Variants in NELL2 observed in about 807,000 individuals in gnomAD.
NELL2 encodes the protein neural EGFL like 2.
In NELL2, 41 loss-of-function variants were observed where a neutral mutation model predicts 109.6. That is an observed-to-expected ratio of 0.37 (90% CI 0.29 to 0.49). The LOEUF (loss-of-function observed/expected upper bound fraction) is 0.49. NELL2 is among the 20% of genes least tolerant of loss of function. The pLI is 0.98. For synonymous variants in NELL2, 355 were observed against 344.7 expected, an observed-to-expected ratio of 1.03 and a Z score of -0.33; for missense variants, 900 against 1,008.3, an observed-to-expected ratio of 0.89 and a Z score of 1.45.
At chr12:44,907,816 T>C (rs1364645207) in intron 1 of NELL2, among the ~76,000 whole-genome samples, 1 of 152,032 alleles carries the variant, frequency 6.6e-6, no homozygotes, top group East Asian at 1.9e-4. Context: ...GGAAAATCAT[T>C]GTAATGATGT....
chr12:44,590,363 G>A (rs911910715), intron 15 of NELL2, among the ~76,000 whole-genome samples: 6 of 152,098 alleles, frequency 3.9e-5, no homozygotes, highest in Admixed American at 3.9e-4. Context: ...ATTGCATTTT[G>A]AAGTCCCTGT....
At chr12:44,818,592 G>A (rs1250719309) in intron 2 of NELL2, among the ~76,000 whole-genome samples, 2 of 152,134 alleles carry the variant, frequency 1.3e-5, no homozygotes, top group Non-Finnish European at 2.9e-5. Flanking sequence ...GAGATAAGAT[G>A]CTCAAAGAAG....
chr12:44,637,173 AT>A (rs1373855291), intron 13 of NELL2, among the ~76,000 whole-genome samples: 1 of 151,214 alleles, frequency 6.6e-6, no homozygotes, highest in Non-Finnish European at 1.5e-5. Flanking sequence ...CTAGTGGTCT[AT>A]TTTGTTGATC....
At chr12:44,763,128 A>G (rs988679306) in intron 9 of NELL2, among the ~76,000 whole-genome samples, 1 of 152,164 alleles carries the variant, frequency 6.6e-6, no homozygotes, top group African/African-American at 2.4e-5. Flanking sequence ...TGTGGTCTGA[A>G]GAGACATTAA....
intron 9 of NELL2, among the ~76,000 whole-genome samples, chr12:44,751,676 A>G (rs980642645): frequency 5.3e-5 from 8 of 152,048 alleles, no homozygotes; most frequent in African/African-American, 1.7e-4. Context: ...TCTGAAACTT[A>G]TATATGTTGT....
chr12:44,558,899 G>A (rs1319426629), intron 15 of NELL2, among the ~76,000 whole-genome samples: 1 of 152,144 alleles, frequency 6.6e-6, no homozygotes, highest in African/African-American at 2.4e-5. Context: ...CACTCCCATG[G>A]AGCCCAGCAA....
At chr12:44,567,327 G>A (rs1943700242) in intron 15 of NELL2, among the ~76,000 whole-genome samples, 2 of 152,104 alleles carry the variant, frequency 1.3e-5, no homozygotes, top group Admixed American at 1.3e-4. Context: ...CAATGCTAAT[G>A]GAATTCTCCT....
chr12:44,741,509 G>C (rs1043064847), intron 9 of NELL2, among the ~76,000 whole-genome samples: 1 of 152,198 alleles, frequency 6.6e-6, no homozygotes, highest in African/African-American at 2.4e-5. Context: ...GCGAGGCATC[G>C]CCTCACCCGG....
intron 13 of NELL2, among the ~76,000 whole-genome samples, chr12:44,642,222 C>T (rs963838102): frequency 6.6e-6 from 1 of 152,040 alleles, no homozygotes; most frequent in African/African-American, 2.4e-5. Flanking sequence ...TGATTCTTAA[C>T]CTGATAAGCA....
At chr12:44,681,722 C>T (rs1948514297) in intron 12 of NELL2, among the ~76,000 whole-genome samples, 1 of 152,112 alleles carries the variant, frequency 6.6e-6, no homozygotes, top group Non-Finnish European at 1.5e-5. Flanking sequence ...CCAATTTCAT[C>T]CATGTCCCTA....
intron 13 of NELL2, among the ~76,000 whole-genome samples, chr12:44,614,429 ATAGT>A (rs1199625054): frequency 7.2e-5 from 11 of 152,218 alleles, no homozygotes; most frequent in African/African-American, 1.4e-4. Context: ...TTGTATAGTG[ATAGT>A]TAGAAAATAT....
chr12:44,806,318 C>A (rs1180402708), intron 3 of NELL2, among the ~76,000 whole-genome samples: 3 of 151,758 alleles, frequency 2.0e-5, no homozygotes, highest in Admixed American at 2.0e-4. Context: ...TTCTCACCTT[C>A]TGAATGGGCA....
At chr12:44,513,229 C>G (rs1012277394) in intron 19 of NELL2, among the ~76,000 whole-genome samples, 1 of 151,866 alleles carries the variant, frequency 6.6e-6, no homozygotes, top group Non-Finnish European at 1.5e-5. Flanking sequence ...AAACAGACCC[C>G]CCCTAACTGG....
chr12:44,876,081 T>G lies in NELL2; in HGVS notation c.-212A>C, dbSNP rs1945310920. 10 of 1,390,742 alleles carry G rather than the reference T, an allele frequency of 7.2e-6. No homozygotes were observed. In the South Asian group the frequency reaches 1.7e-4, roughly 23 times the overall value. The allele number at this position is 1,390,742 out of a possible 1,614,324, so 86.2% of individuals were successfully genotyped here. ...GAACTTAGACCCTCCAATGCGCACA[T>G]CATTCCCACACGCAGGGCCGAGGCG... On this transcript the variant is annotated 5_prime_UTR_variant, in exon 1 of 20. An upstream start codon of the reference 5' UTR is lost. Coordinates refer to ENST00000429094, the MANE Select transcript of NELL2 (RefSeq NM_001145108.2).
At chr12:44,701,742 T>C (rs550300011) in intron 12 of NELL2, among the ~76,000 whole-genome samples, 1 of 152,254 alleles carries the variant, frequency 6.6e-6, no homozygotes, top group African/African-American at 2.4e-5. Flanking sequence ...CATCTTTACC[T>C]GGACTACTGC....
At chr12:44,877,746 A>T (rs920902436), upstream of NELL2, among the ~76,000 whole-genome samples, 7 of 152,056 alleles carry the variant, frequency 4.6e-5, no homozygotes, top group African/African-American at 1.7e-4. Flanking sequence ...GAGCTCTTTT[A>T]AATTAATTTT....
At chr12:44,577,637 C>T (rs576972872) in intron 15 of NELL2, among the ~76,000 whole-genome samples, 17 of 151,736 alleles carry the variant, frequency 1.1e-4, no homozygotes, top group Admixed American at 2.0e-4. Flanking sequence ...CCACCATGCC[C>T]GGCTAATTTT....
chr12:44,662,523 T>G (rs1368593606), intron 13 of NELL2, among the ~76,000 whole-genome samples: 1 of 152,176 alleles, frequency 6.6e-6, no homozygotes, highest in East Asian at 1.9e-4. Context: ...CTTAAGGGAT[T>G]TAACCAGATT....
At chr12:44,741,472 A>C (rs1939956501) in intron 9 of NELL2, among the ~76,000 whole-genome samples, 1 of 152,158 alleles carries the variant, frequency 6.6e-6, no homozygotes, top group Non-Finnish European at 1.5e-5. Context: ...CAGTGGGTGC[A>C]GTGCACCGGG....
Sources: gnomAD v4.1 joint callset for allele counts (sites outside exome capture counted in the v4.1 genomes callset) on GRCh38, gnomAD v4.1.1 for gene constraint, MANE v1.5 for transcripts, NCBI Gene and HGNC (gene_info 2026-07-23, HGNC 2026-07-21) for gene names.